The following LRRC1 variants were observed in gnomAD, a reference collection of about 807,000 sequenced individuals.
LRRC1 encodes leucine-rich repeat-containing protein 1.
A neutral mutation model predicts 69.9 loss-of-function variants in LRRC1; 28 were observed. That is an observed-to-expected ratio of 0.40 (90% CI 0.30 to 0.55). LRRC1 has a LOEUF of 0.55. Among genes scored for constraint, LRRC1 ranks in the 20% least tolerant of loss-of-function variants. The probability of loss-of-function intolerance (pLI) is 0.47; values close to 1 mark genes in which losing one functional copy is unlikely to be tolerated. For missense variants in LRRC1, 498 were observed against 609.0 expected, an observed-to-expected ratio of 0.82 and a Z score of 1.92; for synonymous variants, 236 against 240.2, an observed-to-expected ratio of 0.98 and a Z score of 0.16.
intron 10 of LRRC1, among the ~76,000 whole-genome samples, chr6:53,906,923 A>C (rs1768259178): frequency 6.6e-6 from 1 of 152,230 alleles, no homozygotes; most frequent in Admixed American, 6.5e-5. Context: ...GCGTAGGAAA[A>C]TGTGCTGAGC....
chr6:53,905,302 C>A (rs1768196042), intron 10 of LRRC1: 1 of 146,594 alleles, frequency 6.8e-6, no homozygotes, highest in Non-Finnish European at 1.5e-5. Flanking sequence ...CCACTGCACT[C>A]CAGCCCGGGT....
chr6:53,818,429 A>G (rs1016809822), intron 1 of LRRC1, among the ~76,000 whole-genome samples: 4 of 152,256 alleles, frequency 2.6e-5, no homozygotes, highest in Non-Finnish European at 5.9e-5. Context: ...AAGGAAATAC[A>G]GTGAATGCCT....
At chr6:53,904,160 C>G (rs1768159245) in intron 9 of LRRC1, among the ~76,000 whole-genome samples, 4 of 152,226 alleles carry the variant, frequency 2.6e-5, no homozygotes, top group African/African-American at 9.6e-5. Flanking sequence ...CTACTTTTGA[C>G]TTCATTCCTT....
intron 11 of LRRC1, among the ~76,000 whole-genome samples, chr6:53,914,796 T>C (rs533638190): frequency 6.6e-6 from 1 of 152,328 alleles, no homozygotes; most frequent in African/African-American, 2.4e-5. Flanking sequence ...GCCTCCTTTC[T>C]GAATCTGCAT....
intron 2 of LRRC1, among the ~76,000 whole-genome samples, chr6:53,866,667 G>A (rs1034454837): frequency 1.3e-5 from 2 of 152,136 alleles, no homozygotes; most frequent in Non-Finnish European, 2.9e-5. Flanking sequence ...CTTTTTATTA[G>A]TGCTACATTA....
chr6:53,920,716 G>T lies in LRRC1; in HGVS notation c.1371G>T (p.Ala457=). 6.2e-7 allele frequency: 1 copy of T among 1,614,164 alleles called. No individual in the cohort carries two copies. The highest frequency in any genetic ancestry group is 1.1e-5 in the South Asian group (1 of 91,080). ...WNERAVNRVS[A]IRFVEDEKDE... is the part of the protein sequence containing the mutation. Reference sequence around the variant, plus strand: ...AGCGTGCTGTCAACAGAGTCAGTGCGATCCGATTTGTGGAGGATGAGAAAG... The same window carrying T: ...AGCGTGCTGTCAACAGAGTCAGTGCTATCCGATTTGTGGAGGATGAGAAAG... The change falls in exon 13 of 14, where the codon GCG becomes GCT. Residue 457 remains alanine (A), a synonymous_variant. Transcript: ENST00000370888.
At chr6:53,840,917 TGTGTGTGTGTGC>T (rs1161325934) in intron 1 of LRRC1, among the ~76,000 whole-genome samples, 34 of 145,550 alleles carry the variant, frequency 2.3e-4, no homozygotes, top group Non-Finnish European at 3.5e-4. Flanking sequence ...TGTGTGTGTG[TGTGTGTGTGTGC>T]GTGCGCGCAC....
At chr6:53,835,569 A>T (rs942309552) in intron 1 of LRRC1, among the ~76,000 whole-genome samples, 1 of 152,132 alleles carries the variant, frequency 6.6e-6, no homozygotes, top group Admixed American at 6.5e-5. Flanking sequence ...ACCCTTTCAA[A>T]CTCAAATTCT....
intron 1 of LRRC1, among the ~76,000 whole-genome samples, chr6:53,822,052 T>C (rs1765132374): frequency 6.6e-6 from 1 of 152,158 alleles, no homozygotes; most frequent in Non-Finnish European, 1.5e-5. Flanking sequence ...ACTTGTCATG[T>C]GCTGAGAGAC....
chr6:53,838,428 T>C (rs1765673566), intron 1 of LRRC1, among the ~76,000 whole-genome samples: 1 of 152,240 alleles, frequency 6.6e-6, no homozygotes, highest in South Asian at 2.1e-4. Context: ...TTTCCACAGA[T>C]GTAAAGTGAA....
chr6:53,908,542 A>T (rs1199316016), intron 10 of LRRC1, among the ~76,000 whole-genome samples: 2 of 152,214 alleles, frequency 1.3e-5, no homozygotes, highest in African/African-American at 4.8e-5. Context: ...GATATAGAAT[A>T]TAAAAATATT....
intron 2 of LRRC1, among the ~76,000 whole-genome samples, chr6:53,860,223 C>T (rs1157115407): frequency 3.3e-5 from 5 of 152,182 alleles, no homozygotes; most frequent in African/African-American, 9.7e-5. Flanking sequence ...AACAGTACGT[C>T]ATAAGCACCA....
chr6:53,863,998 CTCTG>C (rs1165487363), intron 2 of LRRC1, among the ~76,000 whole-genome samples: 1 of 152,154 alleles, frequency 6.6e-6, no homozygotes, highest in African/African-American at 2.4e-5. Context: ...TGCATGCTCA[CTCTG>C]TCTGCCTCCT....
intron 2 of LRRC1, among the ~76,000 whole-genome samples, chr6:53,853,550 G>T (rs1020399025): frequency 6.6e-6 from 1 of 152,156 alleles, no homozygotes; most frequent in African/African-American, 2.4e-5. Context: ...CTCCCAAAGT[G>T]CTGGGATTAC....
intron 2 of LRRC1, among the ~76,000 whole-genome samples, chr6:53,843,603 A>G (rs2127416759): frequency 6.6e-6 from 1 of 152,276 alleles, no homozygotes; most frequent in African/African-American, 2.4e-5. Flanking sequence ...CTTGTTTTAG[A>G]GTGGCTTATT....
chr6:53,884,103 C>T (rs1767390529), intron 4 of LRRC1: 2 of 688,144 alleles, frequency 2.9e-6, no homozygotes, highest in South Asian at 1.6e-5. Flanking sequence ...GCCCTCAATA[C>T]ACTCTAGGTG....
At position 53,920,728 on chromosome 6, in the gene LRRC1, G is replaced by A. The variant is rs1409499677; in HGVS notation, c.1383G>A (p.Val461=). 1 of 1,614,138 alleles carries A rather than the reference G, an allele frequency of 6.2e-7. No individual in the cohort carries two copies. Among genetic ancestry groups the A allele is most frequent in the East Asian group, 2.2e-5 (1 of 44,878 alleles). ...ACAGAGTCAGTGCGATCCGATTTGT[G>A]GAGGATGAGAAAGATGAAGAAGACA... is the stretch of plus-strand genomic sequence containing the variant. The part of the protein sequence containing the change: ...AVNRVSAIRF[V]EDEKDEEDNE... The change falls in exon 13 of 14, where the codon GTG becomes GTA. Residue 461 remains valine (V), a synonymous_variant. Coordinates refer to ENST00000370888, the MANE Select transcript of LRRC1 (RefSeq NM_018214.5).
At chr6:53,821,797 CA>C (rs1185009563) in intron 1 of LRRC1, among the ~76,000 whole-genome samples, 5 of 151,734 alleles carry the variant, frequency 3.3e-5, no homozygotes, top group African/African-American at 1.2e-4. Context: ...CGCTTTGGAC[CA>C]TTTACAGATG....
chr6:53,910,838 G>A lies in LRRC1; in HGVS notation c.991-3016G>A, dbSNP rs184461253. Among the ~76,000 whole-genome samples, 862 of 152,258 alleles carry A rather than the reference G, an allele frequency of 5.7e-3. 7 individuals are homozygous for A. Among genetic ancestry groups the A allele is most frequent in the African/African-American group, 0.02 (819 of 41,542 alleles). On this transcript the variant is annotated intron_variant, in intron 10 of 13. Transcript: ENST00000370888. ...CCATCATACCGCATCTCCCTCTGAC[G>A]TCTATAATGAACTATATCTTTTCAG...
Sources: gnomAD v4.1 joint callset for allele counts (sites outside exome capture counted in the v4.1 genomes callset) on GRCh38, gnomAD v4.1.1 for gene constraint, MANE v1.5 for transcripts, NCBI Gene and HGNC (gene_info 2026-07-23, HGNC 2026-07-21) for gene names.